The following SOX5 variants were observed in gnomAD, a reference collection of about 807,000 sequenced individuals.
SOX5 encodes transcription factor SOX-5.
Under a neutral mutation model 92.0 loss-of-function variants are expected in SOX5, and 9 were observed. That is an observed-to-expected ratio of 0.10 (90% CI 0.06 to 0.17). SOX5 has a LOEUF of 0.17. Among genes scored for constraint, SOX5 ranks in the 10% least tolerant of loss-of-function variants. The probability of loss-of-function intolerance (pLI) is 1.00; values close to 1 mark genes in which losing one functional copy is unlikely to be tolerated. For synonymous variants in SOX5, 344 were observed against 336.3 expected (o/e 1.02, Z -0.25); for missense variants, 642 against 944.5 (o/e 0.68, Z 4.20).
At chr12:23,955,230 TAACCAAATGC>T (rs778256793), upstream of SOX5, among the ~76,000 whole-genome samples, 10 of 152,148 alleles carry the variant, frequency 6.6e-5, no homozygotes, top group Non-Finnish European at 1.0e-4. Context: ...GTTTCTATGG[TAACCAAATGC>T]CCAAATTTTG....
intron 7 of SOX5, among the ~76,000 whole-genome samples, chr12:23,656,504 C>T (rs2082322135): frequency 1.3e-5 from 2 of 151,916 alleles, no homozygotes; most frequent in South Asian, 4.1e-4. Flanking sequence ...ACCTAAATGT[C>T]CATTAGTGGG....
chr12:24,170,710 A>G (rs1241559560), intron 4 of SOX5, among the ~76,000 whole-genome samples: 2 of 152,250 alleles, frequency 1.3e-5, no homozygotes, highest in African/African-American at 2.4e-5. Flanking sequence ...CATTATGAAT[A>G]CATATGGTAC....
At chr12:23,868,798 T>C (rs1336047657) in intron 2 of SOX5, among the ~76,000 whole-genome samples, 1 of 152,096 alleles carries the variant, frequency 6.6e-6, no homozygotes, top group Non-Finnish European at 1.5e-5. Flanking sequence ...ATTCAATGTT[T>C]CCTAAAGATA....
At chr12:23,737,997 G>C (rs2093664739) in intron 5 of SOX5, among the ~76,000 whole-genome samples, 1 of 152,134 alleles carries the variant, frequency 6.6e-6, no homozygotes, top group Non-Finnish European at 1.5e-5. Flanking sequence ...CAGTTTACTG[G>C]TTTACTTATT....
chr12:24,227,710 G>C (rs1457199673), intron 3 of SOX5: 4 of 152,084 alleles, frequency 2.6e-5, no homozygotes. Flanking sequence ...ATCACATACA[G>C]GGCACTAATC....
chr12:23,555,006 T>C (rs550220857), intron 11 of SOX5, among the ~76,000 whole-genome samples: 3 of 152,260 alleles, frequency 2.0e-5, no homozygotes, highest in Non-Finnish European at 2.9e-5. Flanking sequence ...GCTAGGCTTT[T>C]ATAAAGAGCA....
chr12:23,666,862 C>T (rs1033806141), intron 6 of SOX5, among the ~76,000 whole-genome samples: 2 of 152,172 alleles, frequency 1.3e-5, no homozygotes, highest in Non-Finnish European at 2.9e-5. Context: ...ATCCTAACAG[C>T]ACCTCTGAAT....
chr12:24,047,158 A>G (rs1392830864), intron 4 of SOX5, among the ~76,000 whole-genome samples: 1 of 152,224 alleles, frequency 6.6e-6, no homozygotes, highest in Non-Finnish European at 1.5e-5. Flanking sequence ...ATGGTGAAAG[A>G]AAACATTTCA....
At chr12:24,241,438 T>C (rs1522232) in intron 3 of SOX5, among the ~76,000 whole-genome samples, 71,111 of 151,950 alleles carry the variant, frequency 0.47, 17,206 homozygotes, top group Non-Finnish European at 0.52. Context: ...AAAACAGTCT[T>C]TCACTCTTCC....
intron 4 of SOX5, among the ~76,000 whole-genome samples, chr12:24,187,639 T>G (rs954128014): frequency 1.3e-5 from 2 of 152,128 alleles, no homozygotes; most frequent in African/African-American, 4.8e-5. Context: ...GGACAATTAT[T>G]TGGACACTCT....
chr12:24,123,042 T>C (rs1447169099), intron 4 of SOX5, among the ~76,000 whole-genome samples: 2 of 152,244 alleles, frequency 1.3e-5, no homozygotes, highest in Non-Finnish European at 2.9e-5. Flanking sequence ...AAATCATTTC[T>C]GAAGGAGAGC....
chr12:23,558,505 CAA>C (rs1945624606), intron 11 of SOX5, among the ~76,000 whole-genome samples: 1 of 152,186 alleles, frequency 6.6e-6, no homozygotes, highest in Admixed American at 6.5e-5. Flanking sequence ...AGGGAAAAGA[CAA>C]GAGAATCACA....
intron 2 of SOX5, among the ~76,000 whole-genome samples, chr12:24,307,469 G>A (rs1948702645): frequency 5.1e-5 from 1 of 19,768 alleles, no homozygotes. Flanking sequence ...AAGGAAGGAA[G>A]GAAGGAAGGA....
intron 1 of SOX5, among the ~76,000 whole-genome samples, chr12:24,458,660 C>T (rs2137444974): frequency 6.6e-6 from 1 of 152,328 alleles, no homozygotes; most frequent in Middle Eastern, 3.4e-3. Flanking sequence ...TGGGAACCAG[C>T]AACATCAGCC....
chr12:24,079,832 G>T (rs1431870465), intron 4 of SOX5, among the ~76,000 whole-genome samples: 2 of 151,626 alleles, frequency 1.3e-5, no homozygotes, highest in African/African-American at 2.4e-5. Flanking sequence ...ACCTTTTTTT[G>T]TAGTTACAGT....
intron 3 of SOX5, among the ~76,000 whole-genome samples, chr12:23,841,480 T>TGTCCACCATGTCCATCATGTCC (rs1179205203): frequency 6.6e-6 from 1 of 152,064 alleles, no homozygotes; most frequent in African/African-American, 2.4e-5. Context: ...TATGTCCACA[T>TGTCCACCATGTCCATCATGTCC]AAAAAGCTGC....
intron 1 of SOX5, among the ~76,000 whole-genome samples, chr12:24,558,325 G>A (rs1226274028): frequency 2.6e-5 from 4 of 152,118 alleles, no homozygotes; most frequent in South Asian, 2.1e-4. Context: ...CAAAAGTCCC[G>A]TGTAGGCAGA....
At chr12:23,834,078 A>C (rs761633291) in intron 3 of SOX5, among the ~76,000 whole-genome samples, 36 of 152,124 alleles carry the variant, frequency 2.4e-4, no homozygotes, top group Middle Eastern at 6.8e-3. Context: ...GAGATGAGTT[A>C]GCATTAGCAG....
At position 24,193,810 on chromosome 12, in the gene SOX5, T is replaced by G. The variant is rs560424192; in HGVS notation, c.-2+19533A>C. Among the ~76,000 whole-genome samples, 29 of 152,352 alleles carry G rather than the reference T, an allele frequency of 1.9e-4. No homozygotes were observed. In the East Asian group the frequency reaches 2.7e-3, roughly 14 times the overall value. ...GAAATTTGGAACACTGCCAACGTTTTCAAGAACTTATAATTTTCTTTTTCA... is the reference window on the plus strand; with the variant it reads ...GAAATTTGGAACACTGCCAACGTTTGCAAGAACTTATAATTTTCTTTTTCA... On this transcript the variant is annotated intron_variant, in intron 4 of 4. Coordinates refer to the SOX5 transcript ENST00000446891.
Sources: allele counts gnomAD v4.1 joint callset (sites outside exome capture counted in the v4.1 genomes callset), GRCh38; gene constraint gnomAD v4.1.1; transcripts MANE v1.5; gene names NCBI Gene and HGNC (gene_info 2026-07-23, HGNC 2026-07-21).